Variants in CNGB1 observed in about 807,000 individuals in gnomAD.
The protein encoded by CNGB1 is cyclic nucleotide gated channel subunit beta 1.
A neutral mutation model predicts 151.7 loss-of-function variants in CNGB1; 126 were observed. That is an observed-to-expected ratio of 0.83 (90% CI 0.72 to 0.96). The LOEUF (loss-of-function observed/expected upper bound fraction) is 0.96. CNGB1 is among the 40% of genes least tolerant of loss of function. The pLI is 0.00. For synonymous variants in CNGB1, 623 were observed against 635.1 expected (o/e 0.98, Z 0.29); for missense variants, 1,698 against 1,627.0 (o/e 1.04, Z -0.75).
rs1213469978 is a variant in CNGB1 at position 57,884,205 on chromosome 16, A to G, written c.3715T>C (p.Ser1239Pro). Residue 1239 changes from serine (S) to proline (P), a missense_variant, in exon 33 of 33, where the codon TCG (serine) becomes CCG (proline). Coordinates refer to ENST00000251102, the MANE Select transcript of CNGB1 (RefSeq NM_001297.5). ...TCCCTTTCCTCCGGCATCTTCACCG[A>G]CAGGATCTGCTCTCCCGGCTCCGGG... ...PGPEPGEQILSVKMPEEREEK... is the reference protein window; with the variant it reads ...PGPEPGEQILPVKMPEEREEK... The G allele has an allele frequency of 1.2e-6, 2 of 1,613,996 alleles. No homozygotes were observed. Among genetic ancestry groups the G allele is most frequent in the South Asian group, 1.1e-5 (1 of 91,090 alleles).
Position 57,948,258 on chromosome 16 carries a change from A to T in CNGB1, c.1121+1095T>A, listed in dbSNP as rs1442791874. On this transcript the variant is annotated intron_variant, in intron 14 of 32. Coordinates refer to ENST00000251102, the MANE Select transcript of CNGB1 (RefSeq NM_001297.5). The stretch of plus-strand genomic sequence containing the variant: ...AATGGCTCCCCATCGCCTTTGGGAA[A>T]ACAAGTTCAAGGCTTTACAACCTGC... Among the ~76,000 whole-genome samples, 3 of 151,804 alleles carry T rather than the reference A, an allele frequency of 2.0e-5. No homozygotes were observed. The East Asian group carries it at 5.8e-4, about 29-fold the overall frequency.
chr16:57,905,812 AAGCAGAG>A (rs1442428717), intron 25 of CNGB1, among the ~76,000 whole-genome samples: 2 of 152,220 alleles, frequency 1.3e-5, no homozygotes, highest in Non-Finnish European at 2.9e-5. Context: ...ATTGTCTTGG[AAGCAGAG>A]AGCAGCCCTC....
intron 1 of CNGB1, among the ~76,000 whole-genome samples, chr16:57,968,914 C>T (rs990848323): frequency 6.6e-6 from 1 of 151,412 alleles, no homozygotes; most frequent in African/African-American, 2.4e-5. Context: ...ACCTGTAGTC[C>T]CAGCTACTCA....
At chr16:57,911,664 A>G (rs1326029604) in intron 25 of CNGB1, 89 bp downstream of exon 25, 3 of 1,560,360 alleles carry the variant, frequency 1.9e-6, no homozygotes, top group East Asian at 2.3e-5. Context: ...CAGCAGCAAT[A>G]AGACTCCTTC....
intron 17 of CNGB1, among the ~76,000 whole-genome samples, chr16:57,925,370 A>T (rs1418855903): frequency 6.6e-6 from 1 of 152,212 alleles, no homozygotes; most frequent in Non-Finnish European, 1.5e-5. Flanking sequence ...ATAGACTAAT[A>T]CAGGAATTGA....
chr16:57,924,147 T>G (rs1468899645), intron 17 of CNGB1, among the ~76,000 whole-genome samples: 1 of 152,080 alleles, frequency 6.6e-6, no homozygotes, highest in Non-Finnish European at 1.5e-5. Flanking sequence ...TCTGACTTGG[T>G]GGAAGAGGTG....
In CNGB1 at chr16:57,884,266, G is replaced by T; in HGVS notation, c.3654C>A (p.Pro1218=). The change falls in exon 33 of 33, where the codon CCC becomes CCA. Residue 1218 remains proline (P), a synonymous_variant. Coordinates refer to ENST00000251102, the MANE Select transcript of CNGB1 (RefSeq NM_001297.5). ...TGCAGATCCTCACCGAGTGCTCTTC[G>T]GGCTCGGCCGGCCCCTCCTCCTCTC... is the stretch of plus-strand genomic sequence containing the variant. ...PEGEEEGPAE[P]EEHSVRICMS... is the part of the protein sequence containing the mutation. 6.2e-7 allele frequency: 1 copy of T among 1,613,664 alleles called. No individual in the cohort carries two copies.
At chr16:57,953,417 C>T (rs1003638076) in intron 12 of CNGB1, among the ~76,000 whole-genome samples, 2 of 151,418 alleles carry the variant, frequency 1.3e-5, no homozygotes, top group African/African-American at 2.4e-5. Flanking sequence ...ATTGCTTGAA[C>T]CCGGGAGGTA....
At chr16:57,945,508 T>C (rs529284874) in intron 14 of CNGB1, among the ~76,000 whole-genome samples, 66 of 152,350 alleles carry the variant, frequency 4.3e-4, no homozygotes, top group African/African-American at 1.5e-3. Context: ...ATCTGTCAAA[T>C]GGGCAGGATT....
intron 27 of CNGB1, 65 bp downstream of exon 27, chr16:57,903,757 G>T: frequency 1.3e-6 from 2 of 1,582,866 alleles, no homozygotes. Flanking sequence ...CGAAGGCATG[G>T]CACCGGGCAC....
chr16:57,949,428 C>G lies in CNGB1; in HGVS notation c.1046G>C (p.Arg349Pro), dbSNP rs200052038. Residue 349 changes from arginine to proline, a missense_variant, in exon 14 of 33, where the codon CGG becomes CCG. Transcript: ENST00000251102. The part of the protein sequence containing the change: ...AVEKMPRELS[R>P]IEEEKEDEEE... The stretch of plus-strand genomic sequence containing the variant: ...CTCATCTTCTTTCTCCTCTTCAATC[C>G]GGGACAGCTCTCTGAGTTGGGGTTA... The G allele has an allele frequency of 6.2e-7, 1 of 1,613,698 alleles. No individual in the cohort carries two copies. The highest frequency in any genetic ancestry group is 8.5e-7 in the Non-Finnish European group (1 of 1,180,014).
chr16:57,913,001 G>T lies in CNGB1; in HGVS notation c.2305-7C>A. 1 of 1,613,878 alleles carries T rather than the reference G, an allele frequency of 6.2e-7. No homozygotes were observed. The highest frequency in any genetic ancestry group is 1.1e-5 in the South Asian group (1 of 91,082). On this transcript the variant is annotated splice_region_variant and splice_polypyrimidine_tract_variant and intron_variant, in intron 23 of 32. Coordinates refer to ENST00000251102, the MANE Select transcript of CNGB1 (RefSeq NM_001297.5). ...ACTCGAAGAAGGCCATGTACTGGAG[G>T]GAGAGGAGGGCGTGAGAGCAGCCCA... is the stretch of plus-strand genomic sequence containing the variant.
intron 16 of CNGB1, among the ~76,000 whole-genome samples, chr16:57,937,689 A>G (rs1415079583): frequency 6.6e-6 from 1 of 152,232 alleles, no homozygotes; most frequent in Non-Finnish European, 1.5e-5. Flanking sequence ...CAGGACTCGA[A>G]CATTCTTAGC....
chr16:57,950,594 G>T, intron 12 of CNGB1, 54 bp from the exon 13 acceptor site: 1 of 1,601,102 alleles, frequency 6.2e-7, no homozygotes, highest in South Asian at 1.1e-5. Flanking sequence ...AGTGGGCTTG[G>T]GCCTCTGAGT....
intron 27 of CNGB1, among the ~76,000 whole-genome samples, chr16:57,902,312 CCA>C (rs1960413804): frequency 6.6e-6 from 1 of 152,052 alleles, no homozygotes; most frequent in Non-Finnish European, 1.5e-5. Flanking sequence ...CTCATTTGAT[CCA>C]CCCACCTGAG....
At chr16:57,941,135 A>C (rs1327444727) in intron 14 of CNGB1, among the ~76,000 whole-genome samples, 1 of 152,208 alleles carries the variant, frequency 6.6e-6, no homozygotes. Context: ...CTTTATTAAT[A>C]TGTAGTAGCC....
At chr16:57,889,134 C>T (rs1042912729) in intron 31 of CNGB1, among the ~76,000 whole-genome samples, 4 of 152,170 alleles carry the variant, frequency 2.6e-5, no homozygotes, top group Non-Finnish European at 5.9e-5. Flanking sequence ...TGCAAGGGGA[C>T]TCTCCCTTGC....
At chr16:57,954,958 A>T in intron 12 of CNGB1, 1 of 1,094,358 alleles carries the variant, frequency 9.1e-7, no homozygotes, top group Non-Finnish European at 1.1e-6. Flanking sequence ...TGTGTTGCCC[A>T]CGGTGGTCTC....
At chr16:57,943,438 G>A (rs552720457) in intron 14 of CNGB1, among the ~76,000 whole-genome samples, 8 of 152,150 alleles carry the variant, frequency 5.3e-5, no homozygotes, top group Admixed American at 6.5e-5. Flanking sequence ...TTGGGAAGCC[G>A]AGGTGGGTGG....
Sources: gnomAD v4.1 joint callset for allele counts (sites outside exome capture counted in the v4.1 genomes callset) on GRCh38, gnomAD v4.1.1 for gene constraint, MANE v1.5 for transcripts, NCBI Gene and HGNC (gene_info 2026-07-23, HGNC 2026-07-21) for gene names.